The following CFAP300 variants were observed in gnomAD, a reference collection of about 807,000 sequenced individuals.
CFAP300 encodes the protein cilia and flagella associated protein 300.
CFAP300 carries 32 observed loss-of-function variants against 33.0 expected under a neutral mutation model. That is an observed-to-expected ratio of 0.97 (90% CI 0.73 to 1.30). The LOEUF is 1.30. Among genes scored for constraint, CFAP300 ranks in the 50% most tolerant of loss-of-function variants. CFAP300 has a pLI of 0.00. For missense variants in CFAP300, 356 were observed against 318.1 expected, an observed-to-expected ratio of 1.12 and a Z score of -0.90; for synonymous variants, 102 against 106.8, an observed-to-expected ratio of 0.95 and a Z score of 0.28.
At chr11:102,078,999 C>T (rs760119501) in intron 5 of CFAP300, among the ~76,000 whole-genome samples, 1 of 152,166 alleles carries the variant, frequency 6.6e-6, no homozygotes, top group African/African-American at 2.4e-5. Flanking sequence ...TGTGAGCCAC[C>T]GTGCCCGGCC....
intron 5 of CFAP300, among the ~76,000 whole-genome samples, chr11:102,077,003 G>A (rs1942404898): frequency 6.6e-6 from 1 of 152,034 alleles, no homozygotes; most frequent in Non-Finnish European, 1.5e-5. Context: ...CAAACATACT[G>A]TCCTAATTAT....
rs191283998 is a variant in CFAP300, at chr11:102,065,825, C to T, written c.269-660C>T. On this transcript the variant is annotated intron_variant, in intron 3 of 6. Transcript: ENST00000434758. Reference sequence around the variant, plus strand: ...AGCATAATAGGAATAAAAAATCATACGAAGCAATTCCTATGCTTTTATAGG... The same window carrying T: ...AGCATAATAGGAATAAAAAATCATATGAAGCAATTCCTATGCTTTTATAGG... Among the ~76,000 whole-genome samples, 89 of 151,930 alleles carry T rather than the reference C, an allele frequency of 5.9e-4. 1 individual carries two copies. In the East Asian group the frequency reaches 0.012, roughly 20 times the overall value.
chr11:102,066,716 A>C (rs1277148457), intron 4 of CFAP300, 65 bp downstream of exon 4: 13 of 1,441,998 alleles, frequency 9.0e-6, no homozygotes, highest in South Asian at 3.9e-5. Context: ...AATGGCAAAA[A>C]CTTTGCCTGC....
chr11:102,047,801 C>T lies in CFAP300; in HGVS notation c.111-14C>T, dbSNP rs749664654. On this transcript the variant is annotated splice_polypyrimidine_tract_variant and intron_variant, in intron 1 of 6. Transcript: ENST00000434758. ...CCAGCCCCCAGATGATTTCTTTTTCCTCCTCTGCCCCAGGTCCATGCTGGG... is the reference window on the plus strand; with the variant it reads ...CCAGCCCCCAGATGATTTCTTTTTCTTCCTCTGCCCCAGGTCCATGCTGGG... The T allele has an allele frequency of 1.4e-5, 22 of 1,613,030 alleles. No individual in the cohort carries two copies. Among genetic ancestry groups the T allele is most frequent in the Non-Finnish European group, 1.5e-5 (18 of 1,179,720 alleles).
intron 4 of CFAP300, among the ~76,000 whole-genome samples, chr11:102,074,271 T>C (rs1308258403): frequency 6.6e-6 from 1 of 152,160 alleles, no homozygotes; most frequent in Non-Finnish European, 1.5e-5. Context: ...TGCCATTGTG[T>C]GGTCTCCAGG....
chr11:102,059,772 G>C (rs776528962), intron 3 of CFAP300, among the ~76,000 whole-genome samples: 2 of 151,664 alleles, frequency 1.3e-5, no homozygotes, highest in Non-Finnish European at 2.9e-5. Context: ...GAGTACATGG[G>C]TACATGGATT....
chr11:102,081,467 C>G (rs1481990283), intron 6 of CFAP300, 186 bp downstream of exon 6: 1 of 596,992 alleles, frequency 1.7e-6, no homozygotes, highest in African/African-American at 1.9e-5. Context: ...GAACTTTTTT[C>G]CCTGGCTTCC....
chr11:102,064,753 A>T (rs553494795), intron 3 of CFAP300, among the ~76,000 whole-genome samples: 2 of 152,222 alleles, frequency 1.3e-5, no homozygotes, highest in African/African-American at 4.8e-5. Context: ...CCACTGTTCT[A>T]TCAGAATGAG....
chr11:102,055,824 C>T (rs1166129433), intron 2 of CFAP300, among the ~76,000 whole-genome samples: 1 of 152,014 alleles, frequency 6.6e-6, no homozygotes, highest in Admixed American at 6.6e-5. Flanking sequence ...AGGCGCCCGC[C>T]ACCACGCCCA....
At chr11:102,050,335 A>G (rs1941950375) in intron 2 of CFAP300, among the ~76,000 whole-genome samples, 1 of 152,170 alleles carries the variant, frequency 6.6e-6, no homozygotes, top group Non-Finnish European at 1.5e-5. Flanking sequence ...ACATTCAACA[A>G]AGGGCAGAAC....
chr11:102,077,899 TA>T (rs1458595330), intron 5 of CFAP300, among the ~76,000 whole-genome samples: 2 of 151,926 alleles, frequency 1.3e-5, no homozygotes, highest in Non-Finnish European at 2.9e-5. Flanking sequence ...TTTATCTTTT[TA>T]TTTTTTTTGA....
chr11:102,083,225 C>T lies in CFAP300; in HGVS notation c.*26C>T. ...TGTTCTTTCAGATTATGTACCTCTA[C>T]TATTTTGTATTTATCATTTTTCTAT... On this transcript the variant is annotated 3_prime_UTR_variant, in exon 7 of 7. Transcript: ENST00000434758. The T allele has an allele frequency of 7.1e-7, 1 of 1,414,632 alleles. No individual in the cohort carries two copies. The highest frequency in any genetic ancestry group is 2.6e-5 in the East Asian group (1 of 39,044). The allele number at this position is 1,414,632 out of a possible 1,614,324, so 87.6% of individuals were successfully genotyped here. A position where few individuals can be genotyped will look rare whatever the true frequency, so the allele number is the denominator to read the frequency against.
At chr11:102,063,115 C>T (rs540065694) in intron 3 of CFAP300, among the ~76,000 whole-genome samples, 116 of 129,236 alleles carry the variant, frequency 9.0e-4, no homozygotes, top group Non-Finnish European at 1.3e-3. Context: ...GCAGAACATA[C>T]GGGCTAAATT....
chr11:102,054,637 G>A (rs1173905967), intron 2 of CFAP300, among the ~76,000 whole-genome samples: 2 of 146,380 alleles, frequency 1.4e-5, no homozygotes, highest in Non-Finnish European at 3.0e-5. Flanking sequence ...ACTGAGGCAG[G>A]AGAATCTATT....
intron 2 of CFAP300, among the ~76,000 whole-genome samples, chr11:102,054,659 G>A (rs1248162612): frequency 6.8e-6 from 1 of 147,956 alleles, no homozygotes; most frequent in African/African-American, 2.5e-5. Flanking sequence ...AACCCAGGAG[G>A]TGGAGGCTGC....
chr11:102,071,988 G>A (rs1942319872), intron 4 of CFAP300, among the ~76,000 whole-genome samples: 1 of 151,930 alleles, frequency 6.6e-6, no homozygotes, highest in African/African-American at 2.4e-5. Context: ...ACTTATTTGG[G>A]GATCTTTAAG....
At chr11:102,076,446 A>G (rs1441576527) in intron 5 of CFAP300, among the ~76,000 whole-genome samples, 2 of 152,250 alleles carry the variant, frequency 1.3e-5, no homozygotes, top group Non-Finnish European at 2.9e-5. Context: ...AAAGAAGTGG[A>G]AGAATTTTCA....
At chr11:102,070,917 A>G (rs1211663377) in intron 4 of CFAP300, among the ~76,000 whole-genome samples, 3 of 152,092 alleles carry the variant, frequency 2.0e-5, no homozygotes, top group Non-Finnish European at 4.4e-5. Context: ...GATACTTGGT[A>G]TGTTTTCAAT....
Position 102,047,819 on chromosome 11 carries a change from A to G in CFAP300, c.115A>G (p.Met39Val), listed in dbSNP as rs765505646. The change falls in exon 2 of 7, where the codon ATG (methionine) becomes GTG (valine). Residue 39 changes from methionine to valine, a missense_variant. Transcript: ENST00000434758. ...CTTTTTCCTCCTCTGCCCCAGGTCC[A>G]TGCTGGGCAGAATCAAGGCGCAGGC... Reference protein sequence around the residue: ...EITSRLRQWSMLGRIKAQAFG... With the variant: ...EITSRLRQWSVLGRIKAQAFG... The G allele has an allele frequency of 1.9e-6, 3 of 1,614,092 alleles. No individual in the cohort carries two copies. Among genetic ancestry groups the G allele is most frequent in the Non-Finnish European group, 2.5e-6 (3 of 1,180,016 alleles).
Sources: gnomAD v4.1 joint callset for allele counts (sites outside exome capture counted in the v4.1 genomes callset) on GRCh38, gnomAD v4.1.1 for gene constraint, MANE v1.5 for transcripts, NCBI Gene and HGNC (gene_info 2026-07-23, HGNC 2026-07-21) for gene names.